The following UTP4 variants were observed in gnomAD, a reference collection of about 807,000 sequenced individuals.
The protein encoded by UTP4 is U3 small nucleolar RNA-associated protein 4 homolog.
Under a neutral mutation model 82.4 loss-of-function variants are expected in UTP4, and 45 were observed. That is an observed-to-expected ratio of 0.55 (90% confidence interval 0.43 to 0.70). UTP4 has a LOEUF of 0.70. UTP4 is among the 30% of genes least tolerant of loss of function. UTP4 has a pLI of 0.00. For synonymous variants in UTP4, 348 were observed against 300.3 expected (o/e 1.16, Z -1.64); for missense variants, 819 against 858.3 (o/e 0.95, Z 0.57).
rs1963533544 is a variant in UTP4, at chr16:69,160,433, G to C, written c.1522G>C (p.Val508Leu). The change falls in exon 13 of 17, where the codon GTC becomes CTC. Residue 508 changes from valine (V) to leucine (L), a missense_variant. Val to Leu is a conservative substitution (Grantham distance 32). Coordinates refer to ENST00000314423, the MANE Select transcript of UTP4 (RefSeq NM_032830.3). Reference sequence around the variant, plus strand: ...AGCTGCATCAGGTACCAGTGCTGGAGTCCATGTCTACAACGTAAAACAGCT... The same window carrying C: ...AGCTGCATCAGGTACCAGTGCTGGACTCCATGTCTACAACGTAAAACAGCT... ...WLAASGTSAG[V>L]HVYNVKQLKL... is the part of the protein sequence containing the mutation. 1 of 1,614,084 alleles carries C rather than the reference G, an allele frequency of 6.2e-7. No individual in the cohort carries two copies. Among genetic ancestry groups the C allele is most frequent in the African/African-American group, 1.3e-5 (1 of 75,016 alleles).
chr16:69,167,539 T>A (rs1396244571), intron 16 of UTP4: 4 of 271,224 alleles, frequency 1.5e-5, no homozygotes, highest in Non-Finnish European at 2.8e-5. Flanking sequence ...AGCTCATACC[T>A]GTAATCCCAG....
chr16:69,150,433 G>A, intron 6 of UTP4, 104 bp from the exon 7 acceptor site: 1 of 1,244,402 alleles, frequency 8.0e-7, no homozygotes, highest in Non-Finnish European at 1.2e-6. Context: ...CTGATTCTGG[G>A]CATAGGTTTA....
chr16:69,143,110 G>T (rs1963008499), intron 5 of UTP4, 68 bp from the exon 6 acceptor site: 2 of 1,526,502 alleles, frequency 1.3e-6, no homozygotes, highest in Non-Finnish European at 9.1e-7. Flanking sequence ...CTTCCACTTT[G>T]GCCGCAGGCA....
At chr16:69,147,540 T>A (rs974155643) in intron 6 of UTP4, among the ~76,000 whole-genome samples, 11 of 152,068 alleles carry the variant, frequency 7.2e-5, no homozygotes, top group African/African-American at 2.7e-4. Context: ...ATAATGCTAC[T>A]CTGAACATTG....
intron 14 of UTP4, 40 bp downstream of exon 14, chr16:69,163,218 G>T: frequency 1.3e-6 from 2 of 1,497,950 alleles, no homozygotes; most frequent in Non-Finnish European, 9.3e-7. Flanking sequence ...CTTCCTGCTG[G>T]ATAGTAACCT....
chr16:69,147,921 C>G (rs1963160571), intron 6 of UTP4, among the ~76,000 whole-genome samples: 1 of 152,024 alleles, frequency 6.6e-6, no homozygotes, highest in African/African-American at 2.4e-5. Flanking sequence ...CTCATGCCAC[C>G]ACGCCTGTCT....
chr16:69,143,284 T>G lies in UTP4; in HGVS notation c.633T>G (p.Ser211Arg). 1 of 1,614,180 alleles carries G rather than the reference T, an allele frequency of 6.2e-7. No individual in the cohort carries two copies. Among genetic ancestry groups the G allele is most frequent in the Non-Finnish European group, 8.5e-7 (1 of 1,180,020 alleles). Residue 211 changes from serine to arginine, a missense_variant, in exon 6 of 17, where the codon AGT becomes AGG. Physicochemically the swap from Ser to Arg is moderately radical, Grantham distance 110. Transcript: ENST00000314423. ...TCTTGTCCGATGGCACTATCATAAG[T>G]GTGGACTCTGCTGGGAAGGTGCAGT... ...VAFLSDGTII[S>R]VDSAGKVQFW... is the part of the protein sequence containing the mutation.
At chr16:69,145,537 G>A (rs896807149) in intron 6 of UTP4, among the ~76,000 whole-genome samples, 7 of 151,872 alleles carry the variant, frequency 4.6e-5, no homozygotes, top group African/African-American at 1.7e-4. Context: ...ACAGGCATGA[G>A]CCACCGCCCC....
intron 3 of UTP4, 98 bp downstream of exon 3, chr16:69,136,985 C>A: frequency 1.0e-6 from 1 of 1,001,746 alleles, no homozygotes; most frequent in South Asian, 1.3e-5. Context: ...TATATTATGG[C>A]ATGTGGCAAC....
intron 8 of UTP4, 96 bp from the exon 9 acceptor site, chr16:69,153,488 C>A (rs1963330302): frequency 1.2e-6 from 1 of 812,326 alleles, no homozygotes; most frequent in Non-Finnish European, 2.1e-6. Context: ...TGGATTTCAG[C>A]AGTAAAAAAT....
chr16:69,162,746 G>A (rs1384043449), intron 13 of UTP4, among the ~76,000 whole-genome samples: 8 of 149,376 alleles, frequency 5.4e-5, no homozygotes, highest in South Asian at 4.3e-4. Context: ...AAAATTAGCC[G>A]GGTGTGGTGG....
chr16:69,164,586 T>TTATA (rs58927210), intron 14 of UTP4, among the ~76,000 whole-genome samples: 8,957 of 132,192 alleles, frequency 0.068, 296 homozygotes, highest in South Asian at 0.09. Flanking sequence ...TAATCATTCT[T>TTATA]TATATATATA....
chr16:69,158,444 G>A (rs951946474), intron 12 of UTP4, among the ~76,000 whole-genome samples: 3 of 151,886 alleles, frequency 2.0e-5, no homozygotes, highest in Admixed American at 1.3e-4. Context: ...GATTACAGGT[G>A]TGAGTCACCA....
intron 8 of UTP4, among the ~76,000 whole-genome samples, chr16:69,152,661 C>T (rs1963306109): frequency 6.6e-6 from 1 of 151,880 alleles, no homozygotes. Context: ...TTAGTAGAGA[C>T]AGGGTTTCAC....
intron 14 of UTP4, among the ~76,000 whole-genome samples, chr16:69,165,052 G>A (rs560361227): frequency 3.9e-4 from 60 of 152,128 alleles, no homozygotes; most frequent in South Asian, 1.5e-3. Flanking sequence ...AAAATTAGCC[G>A]GGCGTACTCG....
intron 16 of UTP4, 152 bp from the exon 17 acceptor site, chr16:69,168,669 C>G: frequency 2.8e-6 from 2 of 705,458 alleles, no homozygotes; most frequent in South Asian, 3.1e-5. Context: ...TATTTTGAGT[C>G]CCAGGGCAGG....
rs1489514568 is a variant in UTP4 at position 69,133,356 on chromosome 16, T to G, written c.-2-102T>G. On this transcript the variant is annotated intron_variant, in intron 1 of 16. Transcript: ENST00000314423. Reference sequence around the variant, plus strand: ...GGAAATGAACTTCAGGGAGATGTTGTTGGAGCCTTCCAGCCAGAACAGTGA... The same window carrying G: ...GGAAATGAACTTCAGGGAGATGTTGGTGGAGCCTTCCAGCCAGAACAGTGA... 4 of 1,137,742 alleles carry G rather than the reference T, an allele frequency of 3.5e-6. No individual in the cohort carries two copies. The African/African-American group carries it at 6.1e-5, about 17-fold the overall frequency. The allele number at this position is 1,137,742 out of a possible 1,614,324, so 70.5% of individuals were successfully genotyped here.
At chr16:69,141,591 A>G in intron 5 of UTP4, among the ~76,000 whole-genome samples, 1 of 152,090 alleles carries the variant, frequency 6.6e-6, no homozygotes, top group Non-Finnish European at 1.5e-5. Flanking sequence ...GACACCTGGT[A>G]GGTTCTTCTA....
At chr16:69,159,984 CA>C (rs747900916) in intron 12 of UTP4, among the ~76,000 whole-genome samples, 46 of 90,434 alleles carry the variant, frequency 5.1e-4, no homozygotes, top group Admixed American at 5.8e-4. Context: ...GACTCCATCT[CA>C]AAAAAAAAAA....
Sources: gnomAD v4.1 joint callset for allele counts (sites outside exome capture counted in the v4.1 genomes callset) on GRCh38, gnomAD v4.1.1 for gene constraint, MANE v1.5 for transcripts, NCBI Gene and HGNC (gene_info 2026-07-23, HGNC 2026-07-21) for gene names.